The following SHOC2 variants were observed in gnomAD, a reference collection of about 807,000 sequenced individuals.
The protein encoded by SHOC2 is SHOC2 leucine rich repeat scaffold protein.
In SHOC2, 4 loss-of-function variants were observed where a neutral mutation model predicts 50.2. That is an observed-to-expected ratio of 0.08 (90% CI 0.04 to 0.18). SHOC2 has a LOEUF of 0.18. Among genes scored for constraint, SHOC2 ranks in the 10% least tolerant of loss-of-function variants. The pLI is 1.00. For synonymous variants in SHOC2, 218 were observed against 244.5 expected, an observed-to-expected ratio of 0.89 and a Z score of 1.01; for missense variants, 388 against 669.6, an observed-to-expected ratio of 0.58 and a Z score of 4.64.
At chr10:110,979,794 A>G (rs1334712052) in intron 2 of SHOC2, among the ~76,000 whole-genome samples, 1 of 152,154 alleles carries the variant, frequency 6.6e-6, no homozygotes, top group Admixed American at 6.5e-5. Context: ...CTTCAGCTCA[A>G]CTTTTCTTCC....
chr10:111,004,527 T>G, intron 4 of SHOC2, 79 bp from the exon 5 acceptor site: 2 of 1,038,042 alleles, frequency 1.9e-6, no homozygotes, highest in Non-Finnish European at 3.0e-6. Context: ...TTTGAGGCAT[T>G]TGTGTTGGGA....
chr10:110,936,578 CT>C (rs1474504609), intron 1 of SHOC2: 24 of 577,844 alleles, frequency 4.2e-5, no homozygotes, highest in Non-Finnish European at 6.3e-5. Context: ...AGGGCATGTC[CT>C]TTTCTTTTCC....
chr10:110,992,475 C>G (rs1848201784), intron 3 of SHOC2, among the ~76,000 whole-genome samples: 1 of 152,098 alleles, frequency 6.6e-6, no homozygotes, highest in South Asian at 2.1e-4. Flanking sequence ...TCTGGTACCT[C>G]TGGTAGTTTT....
rs151132873 is a variant in SHOC2 at position 110,974,009 on chromosome 10, G to A, written c.703+8948G>A. Among the ~76,000 whole-genome samples the A allele has an allele frequency of 4.5e-3, 688 of 151,804 alleles. 27 individuals carry two copies. In the South Asian group the frequency reaches 0.093, roughly 20 times the overall value. Reference sequence around the variant, plus strand: ...ATCTTTTAAAAATTCTTTTGTTTGTGTGTTTTCTTTGTTTCTGGTCTTTAT... The same window carrying A: ...ATCTTTTAAAAATTCTTTTGTTTGTATGTTTTCTTTGTTTCTGGTCTTTAT... On this transcript the variant is annotated intron_variant, in intron 2 of 8. Transcript: ENST00000369452.
At chr10:111,010,766 A>G (rs886933864) in intron 8 of SHOC2, among the ~76,000 whole-genome samples, 1 of 152,194 alleles carries the variant, frequency 6.6e-6, no homozygotes, top group Non-Finnish European at 1.5e-5. Flanking sequence ...TAAGGTATGT[A>G]AACTCCCTAA....
chr10:110,997,491 G>A (rs375236047), intron 3 of SHOC2, among the ~76,000 whole-genome samples: 99 of 151,586 alleles, frequency 6.5e-4, no homozygotes, highest in African/African-American at 2.3e-3. Context: ...TGTTTCTTAC[G>A]TTGTTGAAAT....
intron 1 of SHOC2, among the ~76,000 whole-genome samples, chr10:110,953,763 G>A (rs1435918770): frequency 4.0e-5 from 6 of 151,634 alleles, no homozygotes; most frequent in African/African-American, 1.2e-4. Flanking sequence ...TAGGTTTGAT[G>A]TGTATATATA....
intron 1 of SHOC2, among the ~76,000 whole-genome samples, chr10:110,945,947 C>T (rs1181055228): frequency 6.6e-6 from 1 of 152,106 alleles, no homozygotes; most frequent in Non-Finnish European, 1.5e-5. Flanking sequence ...CCACCCTATC[C>T]CAATTGGCCT....
At chr10:110,921,992 C>A (rs1846662181) in intron 1 of SHOC2, among the ~76,000 whole-genome samples, 1 of 151,752 alleles carries the variant, frequency 6.6e-6, no homozygotes, top group Admixed American at 6.6e-5. Flanking sequence ...TTTTAAACTA[C>A]CGTATTCAGA....
intron 1 of SHOC2, among the ~76,000 whole-genome samples, chr10:110,920,869 C>T (rs1178609651): frequency 1.3e-5 from 2 of 152,182 alleles, no homozygotes; most frequent in Non-Finnish European, 2.9e-5. Context: ...TAGGCTTACA[C>T]CTGTGCCATT....
intron 1 of SHOC2, among the ~76,000 whole-genome samples, chr10:110,930,603 CT>C (rs565536519): frequency 1.3e-5 from 2 of 151,262 alleles, no homozygotes; most frequent in African/African-American, 2.4e-5. Flanking sequence ...ATTAAATAGC[CT>C]TTTTTTTAAA....
intron 1 of SHOC2, among the ~76,000 whole-genome samples, chr10:110,957,046 C>CCTTA (rs1847477915): frequency 6.6e-6 from 1 of 152,100 alleles, no homozygotes; most frequent in Non-Finnish European, 1.5e-5. Context: ...GGCATTTGCC[C>CCTTA]TAAGGCAACA....
intron 2 of SHOC2, among the ~76,000 whole-genome samples, chr10:110,978,760 C>T (rs2134139190): frequency 6.6e-6 from 1 of 152,326 alleles, no homozygotes; most frequent in African/African-American, 2.4e-5. Context: ...TGATTTCCTC[C>T]TTTACAGAGT....
intron 1 of SHOC2, among the ~76,000 whole-genome samples, chr10:110,961,681 A>G (rs1251721620): frequency 6.6e-6 from 1 of 152,200 alleles, no homozygotes; most frequent in Non-Finnish European, 1.5e-5. Flanking sequence ...TCACCACTGC[A>G]GTAAACCCAT....
At chr10:110,966,902 A>C (rs943420163) in intron 2 of SHOC2, among the ~76,000 whole-genome samples, 8 of 152,176 alleles carry the variant, frequency 5.3e-5, no homozygotes, top group Non-Finnish European at 1.0e-4. Flanking sequence ...TAAGCAGGGC[A>C]TCAGAAAGTA....
At chr10:110,956,012 T>C (rs1293914742) in intron 1 of SHOC2, among the ~76,000 whole-genome samples, 1 of 152,182 alleles carries the variant, frequency 6.6e-6, no homozygotes, top group Admixed American at 6.5e-5. Flanking sequence ...ATATATGCTT[T>C]TTAATTACAT....
intron 1 of SHOC2, among the ~76,000 whole-genome samples, chr10:110,950,797 CTG>C (rs905110209): frequency 2.0e-5 from 3 of 152,216 alleles, no homozygotes; most frequent in South Asian, 2.1e-4. Context: ...GTTGGAAAAA[CTG>C]AATATCCATA....
intron 6 of SHOC2, among the ~76,000 whole-genome samples, chr10:111,008,306 A>G (rs984894784): frequency 4.0e-5 from 6 of 151,304 alleles, no homozygotes; most frequent in Non-Finnish European, 7.4e-5. Context: ...AATAGTAAAT[A>G]TATTGCTTTT....
chr10:110,985,574 T>C, intron 2 of SHOC2, 54 bp from the exon 3 acceptor site: 1 of 1,293,622 alleles, frequency 7.7e-7, no homozygotes, highest in South Asian at 1.2e-5. Context: ...AGAAGTATTA[T>C]CTAGTATGTT....
Sources: gnomAD v4.1 joint callset for allele counts (sites outside exome capture counted in the v4.1 genomes callset) on GRCh38, gnomAD v4.1.1 for gene constraint, MANE v1.5 for transcripts, NCBI Gene and HGNC (gene_info 2026-07-23, HGNC 2026-07-21) for gene names.